Variants in RP1 observed in about 807,000 individuals in gnomAD.
The protein encoded by RP1 is oxygen-regulated protein 1.
A neutral mutation model predicts 14.8 loss-of-function variants in RP1; 16 were observed. The observed-to-expected ratio is 1.08, with a 90% CI of 0.73 to 1.65. RP1 has a LOEUF of 1.65. RP1 is among the 40% of genes most tolerant of loss of function. RP1 has a pLI of 0.00. For missense variants in RP1, 2,631 were observed against 2,535.0 expected, an observed-to-expected ratio of 1.04 and a Z score of -0.81; for synonymous variants, 876 against 883.6, an observed-to-expected ratio of 0.99 and a Z score of 0.15.
At chr8:54,635,487 G>T (rs1024277336), downstream of RP1, among the ~76,000 whole-genome samples, 24 of 152,080 alleles carry the variant, frequency 1.6e-4, no homozygotes, top group African/African-American at 4.3e-4. Flanking sequence ...AGTGAAAGTG[G>T]TTAGTGAGAA....
rs552166193 is a variant in RP1 at position 54,864,507 on chromosome 8, A to G, written c.4070-1328A>G. Among the ~76,000 whole-genome samples, 6 of 152,326 alleles carry G rather than the reference A, an allele frequency of 3.9e-5. No individual in the cohort carries two copies. In the South Asian group the frequency reaches 1.0e-3, roughly 26 times the overall value. On this transcript the variant is annotated intron_variant, in intron 27 of 28. Coordinates refer to the RP1 transcript ENST00000637698. ...TTTTTTATAGCCATTTTAAATTCACAGTAAAGATTTTTTGATGTTTTGAAA... is the reference window on the plus strand; with the variant it reads ...TTTTTTATAGCCATTTTAAATTCACGGTAAAGATTTTTTGATGTTTTGAAA...
At chr8:54,808,325 T>A (rs1483952346) in intron 24 of RP1, among the ~76,000 whole-genome samples, 2 of 152,222 alleles carry the variant, frequency 1.3e-5, no homozygotes, top group East Asian at 3.9e-4. Flanking sequence ...TGTCTTAAGA[T>A]GTCTGGGGCA....
chr8:54,783,662 A>T, exon 24 of RP1: 1 of 1,231,572 alleles, frequency 8.1e-7, no homozygotes, highest in Non-Finnish European at 1.0e-6. Context: ...TTATTTTGGG[A>T]TCTGGGAAAC....
intron 22 of RP1, among the ~76,000 whole-genome samples, chr8:54,764,637 A>T (rs945175094): frequency 3.3e-5 from 5 of 152,176 alleles, no homozygotes; most frequent in African/African-American, 1.2e-4. Context: ...TTTTACTTTC[A>T]GCTCCTATCG....
chr8:54,575,657 G>A (rs1019711466), intron 1 of RP1, among the ~76,000 whole-genome samples: 1 of 152,086 alleles, frequency 6.6e-6, no homozygotes, highest in East Asian at 1.9e-4. Context: ...AGTTTCAGGG[G>A]TATTTAGGTT....
intron 1 of RP1, among the ~76,000 whole-genome samples, chr8:54,565,464 C>G (rs544819941): frequency 6.6e-6 from 1 of 152,148 alleles, no homozygotes; most frequent in Non-Finnish European, 1.5e-5. Context: ...ACTCAGGAGG[C>G]GAAGGCAGGA....
At chr8:54,646,731 T>TG (rs1806558373) in intron 3 of RP1, among the ~76,000 whole-genome samples, 1 of 152,218 alleles carries the variant, frequency 6.6e-6, no homozygotes, top group African/African-American at 2.4e-5. Flanking sequence ...ATTTCCATTC[T>TG]TTCACTTTTC....
chr8:54,834,183 T>G (rs558686408), intron 24 of RP1, among the ~76,000 whole-genome samples: 2 of 152,092 alleles, frequency 1.3e-5, no homozygotes, highest in East Asian at 3.9e-4. Context: ...ACAAGGGTAT[T>G]TAAGGTACCC....
intron 16 of RP1, among the ~76,000 whole-genome samples, chr8:54,722,938 T>C (rs912332552): frequency 3.3e-5 from 5 of 152,176 alleles, no homozygotes; most frequent in African/African-American, 9.6e-5. Flanking sequence ...CTGCTCAGCC[T>C]ACAACGAGGG....
chr8:54,565,761 C>T (rs1294959446), intron 1 of RP1, among the ~76,000 whole-genome samples: 1 of 152,148 alleles, frequency 6.6e-6, no homozygotes, highest in Non-Finnish European at 1.5e-5. Flanking sequence ...AGACTTACTT[C>T]CTACATTAGA....
At chr8:54,690,815 A>G (rs1807692540) in intron 12 of RP1, among the ~76,000 whole-genome samples, 2 of 152,026 alleles carry the variant, frequency 1.3e-5, no homozygotes, top group African/African-American at 4.8e-5. Flanking sequence ...GTTGTACTGC[A>G]TGTGGTTGCA....
chr8:54,563,568 C>A (rs534018783), intron 1 of RP1, among the ~76,000 whole-genome samples: 1 of 151,486 alleles, frequency 6.6e-6, no homozygotes, highest in Non-Finnish European at 1.5e-5. Context: ...TGTTTGTTTG[C>A]GATGGGGTCT....
chr8:54,729,168 C>T (rs761016030), intron 17 of RP1, among the ~76,000 whole-genome samples: 17 of 152,114 alleles, frequency 1.1e-4, no homozygotes, highest in Admixed American at 3.3e-4. Flanking sequence ...GATATCTTTC[C>T]GGCAACTACC....
At chr8:54,853,270 C>G (rs1285710746) in intron 26 of RP1, among the ~76,000 whole-genome samples, 2 of 152,142 alleles carry the variant, frequency 1.3e-5, no homozygotes, top group Non-Finnish European at 2.9e-5. Flanking sequence ...AGTGTGAGTC[C>G]TCTTGAAGCA....
At chr8:54,741,678 A>C (rs1809088736) in intron 19 of RP1, among the ~76,000 whole-genome samples, 1 of 132,196 alleles carries the variant, frequency 7.6e-6, no homozygotes, top group African/African-American at 2.8e-5. Context: ...AAATACCTTA[A>C]ATATGTACAT....
At chr8:54,794,997 C>T (rs935920326) in intron 24 of RP1, among the ~76,000 whole-genome samples, 13 of 151,960 alleles carry the variant, frequency 8.6e-5, no homozygotes, top group African/African-American at 3.1e-4. Flanking sequence ...AGGTGCTCAA[C>T]ATAACTAATC....
Position 54,621,234 on chromosome 8 carries a change from C to G in RP1, c.268C>G (p.His90Asp), listed in dbSNP as rs779243716. Residue 90 changes from histidine (H) to aspartate (D), a missense_variant, in exon 2 of 4, where the codon CAC (histidine) becomes GAC (aspartate). Coordinates refer to ENST00000220676, the MANE Select transcript of RP1 (RefSeq NM_006269.2). ...VRNISTPRGR[H>D]SITRLEELED... ...GAACATCAGCACCCCTCGGGGCAGG[C>G]ACAGCATCACGCGCCTGGAGGAGCT... The G allele has an allele frequency of 4.3e-6, 7 of 1,614,046 alleles. No homozygotes were observed. The highest frequency in any genetic ancestry group is 5.9e-6 in the Non-Finnish European group (7 of 1,180,048).
At chr8:54,594,628 T>C (rs764749620) in intron 1 of RP1, among the ~76,000 whole-genome samples, 4 of 152,366 alleles carry the variant, frequency 2.6e-5, no homozygotes, top group Middle Eastern at 3.4e-3. Context: ...AAGACTTAAA[T>C]TTGAAGCTCT....
intron 19 of RP1, among the ~76,000 whole-genome samples, chr8:54,750,784 C>G (rs1469217186): frequency 1.3e-5 from 2 of 152,156 alleles, no homozygotes; most frequent in Non-Finnish European, 2.9e-5. Context: ...GTGCCCTGCA[C>G]AACTCACCAA....
Sources: allele counts gnomAD v4.1 joint callset (sites outside exome capture counted in the v4.1 genomes callset), GRCh38; gene constraint gnomAD v4.1.1; transcripts MANE v1.5; gene names NCBI Gene and HGNC (gene_info 2026-07-23, HGNC 2026-07-21).